The following ERVMER34-1 variants were observed in gnomAD, a reference collection of about 807,000 sequenced individuals.
ERVMER34-1 encodes the protein endogenous retroviral envelope protein HEMO.
For missense variants in ERVMER34-1, 471 were observed against 295.1 expected, an observed-to-expected ratio of 1.60 and a Z score of -4.37; for synonymous variants, 199 against 111.7, an observed-to-expected ratio of 1.78 and a Z score of -4.93.
At position 52,744,882 on chromosome 4, in the gene ERVMER34-1, C is replaced by T; in HGVS notation, c.639G>A (p.Trp213Ter). ...IGLPNTQDYK[W>*]VDRNSGLTWS... ...AGGTCAATCCAGAATTTCGATCTAC[C>T]CATTTGTAGTCTTGGGTATTGGGCA... The change falls in exon 3 of 3, where the codon TGG becomes TGA. Residue 213 changes from tryptophan to a stop codon, truncating the protein, a stop_gained. Transcript: ENST00000443173. LOFTEE classifies it low-confidence loss of function (END_TRUNC). 1 of 703,984 alleles carries T rather than the reference C, an allele frequency of 1.4e-6. No homozygotes were observed. The highest frequency in any genetic ancestry group is 1.5e-5 in the South Asian group (1 of 67,594). 43.6% of individuals were successfully genotyped at this position (703,984 alleles called of 1,614,324 possible).
intron 2 of ERVMER34-1, among the ~76,000 whole-genome samples, chr4:52,748,607 C>T (rs1357061481): frequency 6.6e-6 from 1 of 152,178 alleles, no homozygotes; most frequent in Non-Finnish European, 1.5e-5. Context: ...GCACACTTAG[C>T]AGCTGGCTGT....
In ERVMER34-1 at chr4:52,745,119, T is replaced by C. The variant is rs1180512817; in HGVS notation, c.402A>G (p.Gly134=). ...SLCVENKNGS[G]PFLGNIPKQY... ...GTTTAGGTATATTACCTAGGAAGGGTCCACTGCCATTTTTATTTTCTACGC... is the reference window on the plus strand; with the variant it reads ...GTTTAGGTATATTACCTAGGAAGGGCCCACTGCCATTTTTATTTTCTACGC... Residue 134 remains glycine (G), a synonymous_variant, in exon 3 of 3, where the codon GGA becomes GGG. Transcript: ENST00000443173. The C allele has an allele frequency of 1.4e-6, 1 of 704,142 alleles. No individual in the cohort carries two copies. Among genetic ancestry groups the C allele is most frequent in the Non-Finnish European group, 2.6e-6 (1 of 385,006 alleles). The allele number at this position is 704,142 out of a possible 1,614,324, so 43.6% of individuals were successfully genotyped here. A position where few individuals can be genotyped will look rare whatever the true frequency, so the allele number is the denominator to read the frequency against.
chr4:52,745,790 G>A lies in ERVMER34-1; in HGVS notation c.-270C>T. 1 of 451,764 alleles carries A rather than the reference G, an allele frequency of 2.2e-6. No homozygotes were observed. Among genetic ancestry groups the A allele is most frequent in the Non-Finnish European group, 4.0e-6 (1 of 253,006 alleles). 28.0% of individuals were successfully genotyped at this position (451,764 alleles called of 1,614,324 possible). A position where few individuals can be genotyped will look rare whatever the true frequency, so the allele number is the denominator to read the frequency against. On this transcript the variant is annotated 5_prime_UTR_variant, in exon 3 of 3. Coordinates refer to ENST00000443173, the MANE Select transcript of ERVMER34-1 (RefSeq NM_001242690.2). ...CTTGGCCTTCCAGTTGTCATATAAT[G>A]ATCTCAATCTAGCTTCCTGTGGCTT...
chr4:52,747,820 C>G (rs1716189667), intron 2 of ERVMER34-1, among the ~76,000 whole-genome samples: 2 of 152,358 alleles, frequency 1.3e-5, no homozygotes, highest in South Asian at 4.1e-4. Context: ...GGCGGATCAC[C>G]TGAGGTTGGG....
At position 52,744,632 on chromosome 4, in the gene ERVMER34-1, G is replaced by T; in HGVS notation, c.889C>A (p.Leu297Ile). 1 of 704,092 alleles carries T rather than the reference G, an allele frequency of 1.4e-6. No individual in the cohort carries two copies. The highest frequency in any genetic ancestry group is 1.5e-5 in the South Asian group (1 of 67,596). The allele number at this position is 704,092 out of a possible 1,614,324, so 43.6% of individuals were successfully genotyped here. A position where few individuals can be genotyped will look rare whatever the true frequency, so the allele number is the denominator to read the frequency against. The stretch of plus-strand genomic sequence containing the variant: ...ACCCCATTGCCGCACAAAAAAAAGA[G>T]GCCAGAGTTGTTCACAGACAAGGTC... ...NLTLSVNNSG[L>I]FFLCGNGVYK... The change falls in exon 3 of 3, where the codon CTC (leucine) becomes ATC (isoleucine). Residue 297 changes from leucine to isoleucine, a missense_variant. By Grantham distance (5) the Leu-to-Ile change is conservative. Coordinates refer to ENST00000443173, the MANE Select transcript of ERVMER34-1 (RefSeq NM_001242690.2).
chr4:52,746,232 C>T (rs1289393594), intron 2 of ERVMER34-1, among the ~76,000 whole-genome samples: 2 of 152,146 alleles, frequency 1.3e-5, no homozygotes, highest in Admixed American at 6.5e-5. Context: ...GTTGCCCAGG[C>T]TGGTCTGGAA....
Position 52,745,599 on chromosome 4 carries a change from T to C in ERVMER34-1, c.-79A>G. 1 of 635,190 alleles carries C rather than the reference T, an allele frequency of 1.6e-6. No individual in the cohort carries two copies. Among genetic ancestry groups the C allele is most frequent in the South Asian group, 1.8e-5 (1 of 54,192 alleles). The allele number at this position is 635,190 out of a possible 1,614,324, so 39.3% of individuals were successfully genotyped here. A position where few individuals can be genotyped will look rare whatever the true frequency, so the allele number is the denominator to read the frequency against. On this transcript the variant is annotated 5_prime_UTR_variant, in exon 3 of 3. Transcript: ENST00000443173. ...ATGAAAGGGGAGGGTTTTGTTTAAA[T>C]TTCTAAGTCAGAGAATTTTCCAGGT...
Position 52,743,780 on chromosome 4 carries a change from A to G in ERVMER34-1, c.*49T>C. The G allele has an allele frequency of 6.9e-7, 1 of 1,442,534 alleles. No homozygotes were observed. Among genetic ancestry groups the G allele is most frequent in the Non-Finnish European group, 9.1e-7 (1 of 1,102,760 alleles). 89.4% of individuals were successfully genotyped at this position (1,442,534 alleles called of 1,614,324 possible). A position where few individuals can be genotyped will look rare whatever the true frequency, so the allele number is the denominator to read the frequency against. On this transcript the variant is annotated 3_prime_UTR_variant, in exon 3 of 3. Coordinates refer to ENST00000443173, the MANE Select transcript of ERVMER34-1 (RefSeq NM_001242690.2). ...TCGGTAAGACCTGCTTTACTCATCA[A>G]AGTTTAGCTAAGGCTTTTTGTCTGC...
At position 52,742,808 on chromosome 4, in the gene ERVMER34-1, C is replaced by G. The variant is rs1716050563; in HGVS notation, c.*1021G>C. The G allele has an allele frequency of 6.6e-6, 1 of 151,262 alleles. No homozygotes were observed. The highest frequency in any genetic ancestry group is 1.5e-5 in the Non-Finnish European group (1 of 68,084). The allele number at this position is 151,262 out of a possible 1,614,324, so 9.4% of individuals were successfully genotyped here. A position where few individuals can be genotyped will look rare whatever the true frequency, so the allele number is the denominator to read the frequency against. ...TGGCAGGCGCCTGTAGTCCCAGCTA[C>G]TCAGGAGGGAGGCAGGAGAATGGCA... On this transcript the variant is annotated 3_prime_UTR_variant, in exon 3 of 3. Coordinates refer to ENST00000443173, the MANE Select transcript of ERVMER34-1 (RefSeq NM_001242690.2).
In ERVMER34-1 at chr4:52,744,995, T is replaced by C. The variant is rs981244304; in HGVS notation, c.526A>G (p.Ser176Gly). ...NESRNDDDDT[S>G]VCLGTRQCSW... ...CATTGTCTAGTGCCTAGGCAAACACTTGTATCATCATCATCGTTCCTGGAT... is the reference window on the plus strand; with the variant it reads ...CATTGTCTAGTGCCTAGGCAAACACCTGTATCATCATCATCGTTCCTGGAT... The change falls in exon 3 of 3, where the codon AGT becomes GGT. Residue 176 changes from serine (S) to glycine (G), a missense_variant. Transcript: ENST00000443173. 4 of 704,040 alleles carry C rather than the reference T, an allele frequency of 5.7e-6. No homozygotes were observed. The African/African-American group carries it at 7.0e-5, about 12-fold the overall frequency. The allele number at this position is 704,040 out of a possible 1,614,324, so 43.6% of individuals were successfully genotyped here. A position where few individuals can be genotyped will look rare whatever the true frequency, so the allele number is the denominator to read the frequency against.
chr4:52,742,918 A>G lies in ERVMER34-1; in HGVS notation c.*911T>C, dbSNP rs75184081. 1 of 146,952 alleles carries G rather than the reference A, an allele frequency of 6.8e-6. No homozygotes were observed. Among genetic ancestry groups the G allele is most frequent in the Admixed American group, 6.8e-5 (1 of 14,694 alleles). 9.1% of individuals were successfully genotyped at this position (146,952 alleles called of 1,614,324 possible). ...GGTGAAAGGGCCAGACTCTGCCTCA[A>G]AAAAAAAAAAAAAAGAGTAACATAC... On this transcript the variant is annotated 3_prime_UTR_variant, in exon 3 of 3. Coordinates refer to ENST00000443173, the MANE Select transcript of ERVMER34-1 (RefSeq NM_001242690.2).
intron 2 of ERVMER34-1, among the ~76,000 whole-genome samples, chr4:52,746,182 G>C (rs1285190550): frequency 6.6e-6 from 1 of 152,024 alleles, no homozygotes; most frequent in South Asian, 2.1e-4. Flanking sequence ...GACCTTTTTT[G>C]TTTGTTTCTT....
rs1393951659 is a variant in ERVMER34-1, at chr4:52,745,375, T to A, written c.146A>T (p.His49Leu). Residue 49 changes from histidine (H) to leucine (L), a missense_variant, in exon 3 of 3, where the codon CAT (histidine) becomes CTT (leucine). Transcript: ENST00000443173. ...TTCGGGTTGTTCTGCATTATCTAGA[T>A]GTTCACATAACCAGCAATTAGACTG... ...TNQSNCWLCE[H>L]LDNAEQPELV... 1.4e-6 allele frequency: 1 copy of A among 704,102 alleles called. No individual in the cohort carries two copies. Among genetic ancestry groups the A allele is most frequent in the Admixed American group, 2.0e-5 (1 of 50,012 alleles). The allele number at this position is 704,102 out of a possible 1,614,324, so 43.6% of individuals were successfully genotyped here.
In ERVMER34-1 at chr4:52,743,777, T is replaced by A; in HGVS notation, c.*52A>T. 6.9e-7 allele frequency: 1 copy of A among 1,439,718 alleles called. No homozygotes were observed. Among genetic ancestry groups the A allele is most frequent in the Non-Finnish European group, 9.1e-7 (1 of 1,100,362 alleles). The allele number at this position is 1,439,718 out of a possible 1,614,324, so 89.2% of individuals were successfully genotyped here. On this transcript the variant is annotated 3_prime_UTR_variant, in exon 3 of 3. Coordinates refer to ENST00000443173, the MANE Select transcript of ERVMER34-1 (RefSeq NM_001242690.2). ...TTCTCGGTAAGACCTGCTTTACTCATCAAAGTTTAGCTAAGGCTTTTTGTC... is the reference window on the plus strand; with the variant it reads ...TTCTCGGTAAGACCTGCTTTACTCAACAAAGTTTAGCTAAGGCTTTTTGTC...
At chr4:52,750,033 CTG>C (rs1401438746) in intron 2 of ERVMER34-1, among the ~76,000 whole-genome samples, 1 of 152,102 alleles carries the variant, frequency 6.6e-6, no homozygotes, top group Non-Finnish European at 1.5e-5. Flanking sequence ...GAATCTCACT[CTG>C]TTGCTCGGGC....
rs1380120750 is a variant in ERVMER34-1, at chr4:52,742,982, A to G, written c.*847T>C. The G allele has an allele frequency of 2.0e-5, 3 of 151,948 alleles. No individual in the cohort carries two copies. The highest frequency in any genetic ancestry group is 2.0e-4 in the Admixed American group (3 of 15,250). 9.4% of individuals were successfully genotyped at this position (151,948 alleles called of 1,614,324 possible). The stretch of plus-strand genomic sequence containing the variant: ...CTGCATCTTGCTATTTTTCAGTAAT[A>G]GTATAATCTTTAGCAAGCTATCTAC... On this transcript the variant is annotated 3_prime_UTR_variant, in exon 3 of 3. Coordinates refer to ENST00000443173, the MANE Select transcript of ERVMER34-1 (RefSeq NM_001242690.2).
chr4:52,747,432 C>G (rs1716180979), intron 2 of ERVMER34-1, among the ~76,000 whole-genome samples: 1 of 152,248 alleles, frequency 6.6e-6, no homozygotes, highest in East Asian at 1.9e-4. Context: ...CTTAATCATC[C>G]CAGGGCCAAG....
At chr4:52,747,128 C>A (rs542400216) in intron 2 of ERVMER34-1, among the ~76,000 whole-genome samples, 1 of 152,178 alleles carries the variant, frequency 6.6e-6, no homozygotes, top group Admixed American at 6.5e-5. Context: ...ACTCGGGAGA[C>A]TGAGGGAGGA....
At position 52,745,602 on chromosome 4, in the gene ERVMER34-1, C is replaced by T. The variant is rs1243723355; in HGVS notation, c.-82G>A. ...AAAGGGGAGGGTTTTGTTTAAATTT[C>T]TAAGTCAGAGAATTTTCCAGGTTGA... On this transcript the variant is annotated 5_prime_UTR_variant, in exon 3 of 3. Coordinates refer to ENST00000443173, the MANE Select transcript of ERVMER34-1 (RefSeq NM_001242690.2). 1.6e-6 allele frequency: 1 copy of T among 633,556 alleles called. No individual in the cohort carries two copies. The highest frequency in any genetic ancestry group is 2.8e-6 in the Non-Finnish European group (1 of 353,768). The allele number at this position is 633,556 out of a possible 1,614,324, so 39.2% of individuals were successfully genotyped here. A position where few individuals can be genotyped will look rare whatever the true frequency, so the allele number is the denominator to read the frequency against.
Sources: allele counts gnomAD v4.1 joint callset (sites outside exome capture counted in the v4.1 genomes callset), GRCh38; gene constraint gnomAD v4.1.1; transcripts MANE v1.5; gene names NCBI Gene and HGNC (gene_info 2026-07-23, HGNC 2026-07-21).